Variants in MEF2D observed in about 807,000 individuals in gnomAD.
The protein encoded by MEF2D is myocyte enhancer factor 2D, also known as myocyte-specific enhancer factor 2D.
Under a neutral mutation model 59.3 loss-of-function variants are expected in MEF2D, and 10 were observed. The ratio of observed to expected loss-of-function variants is 0.17; its 90% CI spans 0.10 to 0.29. The LOEUF is 0.29. Among genes scored for constraint, MEF2D ranks in the 10% least tolerant of loss-of-function variants. MEF2D has a pLI of 1.00. For synonymous variants in MEF2D, 305 were observed against 295.0 expected (o/e 1.03, Z -0.35); for missense variants, 508 against 699.4 (o/e 0.73, Z 3.09).
chr1:156,487,178 C>T (rs1048658209), intron 1 of MEF2D, among the ~76,000 whole-genome samples: 1 of 152,238 alleles, frequency 6.6e-6, no homozygotes, highest in Non-Finnish European at 1.5e-5. Flanking sequence ...CACCGCCCCC[C>T]CCACCCCCGC....
intron 1 of MEF2D, among the ~76,000 whole-genome samples, chr1:156,495,706 C>T (rs1673089654): frequency 8.0e-6 from 1 of 125,546 alleles, no homozygotes; most frequent in African/African-American, 3.0e-5. Flanking sequence ...TCAAAGTATA[C>T]TGGAAAGTTG....
At chr1:156,481,031 T>C (rs1671979112) in intron 3 of MEF2D, 60 bp from the exon 4 acceptor site, 2 of 1,604,464 alleles carry the variant, frequency 1.2e-6, no homozygotes, top group Non-Finnish European at 8.5e-7. Flanking sequence ...CTCGCTGGAG[T>C]TCCTTCCAGC....
At chr1:156,489,519 G>C (rs566783266) in intron 1 of MEF2D, among the ~76,000 whole-genome samples, 3 of 152,268 alleles carry the variant, frequency 2.0e-5, no homozygotes, top group East Asian at 1.9e-4. Context: ...GGCTAGAGGA[G>C]AGGGAGAGGC....
intron 1 of MEF2D, among the ~76,000 whole-genome samples, chr1:156,499,008 A>C (rs1673313349): frequency 6.6e-6 from 1 of 152,144 alleles, no homozygotes; most frequent in South Asian, 2.1e-4. Flanking sequence ...ATCTGTGAAC[A>C]CTGACATGTG....
chr1:156,479,412 T>C lies in MEF2D; in HGVS notation c.608-66A>G, dbSNP rs995199266. ...CGCTTCAAGAGTGAGTCTTGGGGACTGAACATGAAGAGGGGACCCCAGGAG... is the reference window on the plus strand; with the variant it reads ...CGCTTCAAGAGTGAGTCTTGGGGACCGAACATGAAGAGGGGACCCCAGGAG... On this transcript the variant is annotated intron_variant, in intron 5 of 11. Coordinates refer to ENST00000348159, the MANE Select transcript of MEF2D (RefSeq NM_005920.4). 6.3e-5 allele frequency: 98 copies of C among 1,562,844 alleles called. No homozygotes were observed. In the Middle Eastern group the frequency reaches 6.7e-4, roughly 11 times the overall value.
rs2102065069 is a variant in MEF2D at position 156,477,046 on chromosome 1, GTGA to G, written c.818_820del (p.Ile273del). ...CATTAACCCCTTTCCTGCCTGGGAAGTGATGACTCGCAGGTCGGGCTTGCGGCT... is the reference window on the plus strand; with the variant it reads ...CATTAACCCCTTTCCTGCCTGGGAAGTGACTCGCAGGTCGGGCTTGCGGCT... On this transcript the variant is annotated inframe_deletion, in exon 7 of 12. Coordinates refer to ENST00000348159, the MANE Select transcript of MEF2D (RefSeq NM_005920.4). 4 of 1,613,956 alleles carry G rather than the reference GTGA, an allele frequency of 2.5e-6. No homozygotes were observed. Among genetic ancestry groups the G allele is most frequent in the Non-Finnish European group, 2.5e-6 (3 of 1,179,870 alleles).
chr1:156,494,206 G>A (rs1187636805), intron 1 of MEF2D, among the ~76,000 whole-genome samples: 1 of 152,024 alleles, frequency 6.6e-6, no homozygotes, highest in Non-Finnish European at 1.5e-5. Context: ...CTATTCCCTT[G>A]TTACTTGATC....
At position 156,465,094 on chromosome 1, in the gene MEF2D, A is replaced by T. The variant is rs1670760074; in HGVS notation, c.*2551T>A. On this transcript the variant is annotated 3_prime_UTR_variant, in exon 12 of 12. Coordinates refer to ENST00000348159, the MANE Select transcript of MEF2D (RefSeq NM_005920.4). ...TTCAAGCCCTGGATCGAGGCTCATC[A>T]GTTTTTGAAACTCCGTCTAGAAGCC... The T allele has an allele frequency of 1.3e-5, 2 of 152,308 alleles. No homozygotes were observed. Among genetic ancestry groups the T allele is most frequent in the Non-Finnish European group, 2.9e-5 (2 of 68,096 alleles). The allele number at this position is 152,308 out of a possible 1,614,324, so 9.4% of individuals were successfully genotyped here.
chr1:156,487,513 A>G (rs1200470449), intron 1 of MEF2D, among the ~76,000 whole-genome samples: 2 of 152,204 alleles, frequency 1.3e-5, no homozygotes, highest in Non-Finnish European at 2.9e-5. Context: ...TCCTTCTGCT[A>G]TCCATTCCAC....
At chr1:156,482,231 C>T (rs1278130050) in intron 3 of MEF2D, among the ~76,000 whole-genome samples, 1 of 152,234 alleles carries the variant, frequency 6.6e-6, no homozygotes, top group African/African-American at 2.4e-5. Context: ...GGCCTGTTCA[C>T]TTGAACTGCC....
intron 6 of MEF2D, among the ~76,000 whole-genome samples, chr1:156,478,577 CTGGAGTGCAA>C (rs1214713410): frequency 1.3e-5 from 2 of 152,126 alleles, no homozygotes; most frequent in African/African-American, 4.8e-5. Flanking sequence ...GTTGCCCGGG[CTGGAGTGCAA>C]TGGCATGATC....
intron 1 of MEF2D, among the ~76,000 whole-genome samples, chr1:156,495,516 T>G (rs865868587): frequency 6.6e-6 from 1 of 151,950 alleles, no homozygotes; most frequent in African/African-American, 2.4e-5. Context: ...TCAAAAGTTT[T>G]GGTTTTTGGG....
Position 156,486,481 on chromosome 1 carries a change from C to T in MEF2D, c.-138-3051G>A, listed in dbSNP as rs190622986. On this transcript the variant is annotated intron_variant, in intron 1 of 11. Coordinates refer to ENST00000348159, the MANE Select transcript of MEF2D (RefSeq NM_005920.4). ...ACTGTTAAATGCAGGAACTGCTGAG[C>T]TCCTCTGGCTTACAGCATCTACCCT... Among the ~76,000 whole-genome samples, 536 of 152,310 alleles carry T rather than the reference C, an allele frequency of 3.5e-3. 2 individuals are homozygous for T. Among genetic ancestry groups the T allele is most frequent in the Non-Finnish European group, 5.7e-3 (389 of 68,024 alleles).
intron 5 of MEF2D, 116 bp downstream of exon 5, chr1:156,479,470 A>T (rs1671839203): frequency 6.7e-7 from 1 of 1,487,472 alleles, no homozygotes; most frequent in Non-Finnish European, 9.1e-7. Flanking sequence ...CAGGAGCCAT[A>T]CAAATGGCGG....
Position 156,466,326 on chromosome 1 carries a change from TACACC to T in MEF2D, c.*1314_*1318del, listed in dbSNP as rs1670842853. 6.5e-6 allele frequency: 1 copy of T among 152,714 alleles called. No homozygotes were observed. The highest frequency in any genetic ancestry group is 2.4e-5 in the African/African-American group (1 of 41,400). 9.5% of individuals were successfully genotyped at this position (152,714 alleles called of 1,614,324 possible). The stretch of plus-strand genomic sequence containing the variant: ...AAAAAAAAACAGTTTCCTGGACTGT[TACACC>T]GCTAACGTTTTCCAAAGGTCGCTAT... On this transcript the variant is annotated 3_prime_UTR_variant, in exon 12 of 12. Transcript: ENST00000348159.
intron 9 of MEF2D, among the ~76,000 whole-genome samples, chr1:156,470,179 T>A (rs1336793750): frequency 1.3e-5 from 2 of 152,254 alleles, no homozygotes; most frequent in Non-Finnish European, 2.9e-5. Flanking sequence ...TCATGCTGTA[T>A]CCTGTTTGGG....
chr1:156,475,097 T>G lies in MEF2D; in HGVS notation c.1006+11A>C. ...CAAGTGCACACATGCACATGTCACA[T>G]GAACACTCACCTGTGTTGTAGGCAG... On this transcript the variant is annotated intron_variant, in intron 9 of 11. Transcript: ENST00000348159. 6.2e-7 allele frequency: 1 copy of G among 1,614,102 alleles called. No individual in the cohort carries two copies. The highest frequency in any genetic ancestry group is 8.5e-7 in the Non-Finnish European group (1 of 1,179,978).
chr1:156,477,346 T>G, intron 6 of MEF2D, 144 bp from the exon 7 acceptor site: 6 of 650,890 alleles, frequency 9.2e-6, no homozygotes, highest in South Asian at 2.0e-5. Flanking sequence ...CTATCTGATA[T>G]TCCCTGAACA....
rs776910979 is a variant in MEF2D at position 156,467,998 on chromosome 1, T to C, written c.1549A>G (p.Thr517Ala). 4 of 1,611,392 alleles carry C rather than the reference T, an allele frequency of 2.5e-6. No homozygotes were observed. The East Asian group carries it at 8.9e-5, about 36-fold the overall frequency. The change falls in exon 11 of 12, where the codon ACC (threonine) becomes GCC (alanine). Residue 517 changes from threonine (T) to alanine (A), a missense_variant. Physicochemically the swap from Thr to Ala is moderately conservative, Grantham distance 58. This residue lies in a region of MEF2D where 481 missense variants were observed against 584.7 expected (regional missense o/e 0.82). Transcript: ENST00000348159. ...GAGAGGTGATGCTACAGTACCCAGG[T>C]ATCAAGCCGCATCCTCTTCACAGCT... ...GSAVKRMRLD[T>A]WTLK
Sources: allele counts gnomAD v4.1 joint callset (sites outside exome capture counted in the v4.1 genomes callset), GRCh38; gene constraint gnomAD v4.1.1; regional missense constraint gnomAD v4.1.1; transcripts MANE v1.5; gene names NCBI Gene and HGNC (gene_info 2026-07-23, HGNC 2026-07-21).